The following AP5Z1 variants were observed in gnomAD, a reference collection of about 807,000 sequenced individuals.
The protein encoded by AP5Z1 is adaptor related protein complex 5 subunit zeta 1, also known as AP-5 complex subunit zeta-1.
In AP5Z1, 106 loss-of-function variants were observed where a neutral mutation model predicts 83.0. The ratio of observed to expected loss-of-function variants is 1.28; its 90% confidence interval spans 1.09 to 1.50. The LOEUF is 1.50. Among genes scored for constraint, AP5Z1 ranks in the 40% most tolerant of loss-of-function variants. The probability of loss-of-function intolerance (pLI) is 0.00; values close to 1 mark genes in which losing one functional copy is unlikely to be tolerated. For missense variants in AP5Z1, 1,565 were observed against 1,094.2 expected (o/e 1.43, Z -6.07); for synonymous variants, 751 against 514.1 (o/e 1.46, Z -6.23).
At chr7:4,779,162 TATAACATATATAAC>T (rs1005743584) in intron 1 of AP5Z1, among the ~76,000 whole-genome samples, 11 of 143,214 alleles carry the variant, frequency 7.7e-5, no homozygotes, top group South Asian at 4.3e-4. Flanking sequence ...ATAACAACTA[TATAACATATATAAC>T]ATAACATATA....
chr7:4,780,344 G>C (rs767101927), intron 1 of AP5Z1, among the ~76,000 whole-genome samples: 21 of 152,224 alleles, frequency 1.4e-4, no homozygotes, highest in Non-Finnish European at 2.4e-4. Context: ...CTCAGGCCAG[G>C]CGTGGTGGCT....
Position 4,788,286 on chromosome 7 carries a change from C to G in AP5Z1, c.1587C>G (p.Ala529=). The part of the protein sequence containing the change: ...QYLLRPKASG[A]TERLAPLHQL... ...TGCTGCGCCCCAAGGCCAGTGGCGC[C>G]ACTGAGAGGTACGGGGCCCTAGGGC... The change falls in exon 12 of 17, where the codon GCC becomes GCG. Residue 529 remains alanine, a synonymous_variant. Coordinates refer to ENST00000649063, the MANE Select transcript of AP5Z1 (RefSeq NM_014855.3). 6.3e-7 allele frequency: 1 copy of G among 1,590,948 alleles called. No individual in the cohort carries two copies.
chr7:4,788,594 G>A (rs1214774464), intron 12 of AP5Z1: 3 of 498,724 alleles, frequency 6.0e-6, no homozygotes, highest in Non-Finnish European at 1.0e-5. Context: ...GAAGCAGGAG[G>A]CCTGGGACCG....
intron 7 of AP5Z1, 94 bp from the exon 8 acceptor site, chr7:4,785,321 G>T (rs942666424): frequency 1.3e-6 from 2 of 1,502,870 alleles, no homozygotes; most frequent in Non-Finnish European, 8.9e-7. Context: ...CCCTGCTCCC[G>T]GTCCTGCCTG....
chr7:4,775,883 A>T (rs1781211128), intron 1 of AP5Z1, 127 bp downstream of exon 1: 2 of 1,363,788 alleles, frequency 1.5e-6, no homozygotes, highest in African/African-American at 2.9e-5. Context: ...CGCCCTCGAG[A>T]CTTGGGGATC....
rs374156931 is a variant in AP5Z1, at chr7:4,791,094, G to T, written c.2154-21G>T. ...TGGGAGGGGAGCATCTGCAGCTGAC[G>T]GAGGGACCTTCTTTCCCCAGGGCCT... On this transcript the variant is annotated intron_variant, in intron 16 of 16. Transcript: ENST00000649063. 7 of 1,555,978 alleles carry T rather than the reference G, an allele frequency of 4.5e-6. No individual in the cohort carries two copies. In the Admixed American group the frequency reaches 1.1e-4, roughly 24 times the overall value.
chr7:4,785,620 G>A lies in AP5Z1; in HGVS notation c.1068G>A (p.Arg356=). The part of the protein sequence containing the change: ...SLSCLKALHG[R]VRGDPASVRV... The stretch of plus-strand genomic sequence containing the variant: ...CCTGCCTGAAGGCCCTGCACGGGCG[G>A]GTGCGCGGGGACCCGGCCTCTGTGC... The change falls in exon 9 of 17, where the codon CGG becomes CGA. Residue 356 remains arginine (R), a synonymous_variant. Transcript: ENST00000649063. 1 of 1,579,108 alleles carries A rather than the reference G, an allele frequency of 6.3e-7. No homozygotes were observed. The highest frequency in any genetic ancestry group is 1.8e-5 in the Admixed American group (1 of 55,748).
At position 4,790,892 on chromosome 7, in the gene AP5Z1, C is replaced by T; in HGVS notation, c.2153+5C>T. 6.3e-7 allele frequency: 1 copy of T among 1,596,454 alleles called. No homozygotes were observed. Among genetic ancestry groups the T allele is most frequent in the South Asian group, 1.1e-5 (1 of 87,962 alleles). ...GAGCCAAGATCTGATCCCCAGGTGC[C>T]TGGTCAGGGAGGGAGCGAAGCCTTC... On this transcript the variant is annotated splice_donor_5th_base_variant and intron_variant, in intron 16 of 16. Transcript: ENST00000649063.
At chr7:4,786,563 G>A in intron 10 of AP5Z1, 135 bp downstream of exon 10, 3 of 1,018,426 alleles carry the variant, frequency 2.9e-6, no homozygotes, top group Non-Finnish European at 2.9e-6. Flanking sequence ...GGAATGCGGT[G>A]TGCAGGGTGA....
chr7:4,783,187 C>T, intron 3 of AP5Z1, 129 bp from the exon 4 acceptor site: 1 of 1,387,260 alleles, frequency 7.2e-7, no homozygotes, highest in Non-Finnish European at 9.6e-7. Context: ...GGGACATCCT[C>T]CCTGCCACCT....
At chr7:4,789,810 G>A in intron 13 of AP5Z1, 22 bp from the exon 14 acceptor site, 1 of 1,547,318 alleles carries the variant, frequency 6.5e-7, no homozygotes, top group Non-Finnish European at 8.7e-7. Flanking sequence ...GGCTGAGCCT[G>A]TTTCCCACTC....
chr7:4,776,409 C>A (rs1028930189), intron 1 of AP5Z1, among the ~76,000 whole-genome samples: 4 of 151,998 alleles, frequency 2.6e-5, no homozygotes, highest in Non-Finnish European at 5.9e-5. Flanking sequence ...AGACTTCATA[C>A]TACATGTTTA....
At position 4,781,229 on chromosome 7, in the gene AP5Z1, G is replaced by T. The variant is rs775783812; in HGVS notation, c.96G>T (p.Leu32=). 6.2e-7 allele frequency: 1 copy of T among 1,613,742 alleles called. No individual in the cohort carries two copies. The highest frequency in any genetic ancestry group is 8.5e-7 in the Non-Finnish European group (1 of 1,179,640). Residue 32 remains leucine (L), a synonymous_variant, in exon 2 of 17, where the codon CTG becomes CTT. Transcript: ENST00000649063. ...KKFCSRICKL[L]QAEDLGPDTL... is the part of the protein sequence containing the mutation. ...TCTGTTCCCGGATCTGTAAACTGCT[G>T]CAGGCGGAGGACTTGGGGCCGGACA...
intron 14 of AP5Z1, chr7:4,790,145 C>G: frequency 1.3e-6 from 2 of 1,484,562 alleles, no homozygotes; most frequent in Non-Finnish European, 1.8e-6. Context: ...TTCTGCCGAG[C>G]CTGTCCTCTT....
chr7:4,777,532 C>T (rs760389849), intron 1 of AP5Z1, among the ~76,000 whole-genome samples: 50 of 152,066 alleles, frequency 3.3e-4, no homozygotes, highest in Non-Finnish European at 5.7e-4. Flanking sequence ...GGATTACAGG[C>T]GCCCGCCACC....
Position 4,792,779 on chromosome 7 carries a change from A to C in AP5Z1, c.*1394A>C, listed in dbSNP as rs1434994339. ...GTGGAAACAGCAGCGCACGTGTACA[A>C]CTGTGCATACCAAGGCGTGCGTGCC... is the stretch of plus-strand genomic sequence containing the variant. On this transcript the variant is annotated 3_prime_UTR_variant, in exon 17 of 17. Coordinates refer to ENST00000649063, the MANE Select transcript of AP5Z1 (RefSeq NM_014855.3). 6.6e-5 allele frequency: 10 copies of C among 152,206 alleles called. No homozygotes were observed. The allele number at this position is 152,206 out of a possible 1,614,324, so 9.4% of individuals were successfully genotyped here.
chr7:4,779,246 CATT>C (rs966031781), intron 1 of AP5Z1, among the ~76,000 whole-genome samples: 19 of 145,800 alleles, frequency 1.3e-4, no homozygotes, highest in African/African-American at 3.3e-4. Context: ...ACATATATAA[CATT>C]AGAAATAATG....
intron 10 of AP5Z1, 157 bp from the exon 11 acceptor site, chr7:4,787,477 C>G (rs529804449): frequency 3.5e-6 from 4 of 1,138,404 alleles, no homozygotes; most frequent in Non-Finnish European, 4.8e-6. Context: ...CAGAGCAAGA[C>G]CCTGTCTCAA....
rs539452570 is a variant in AP5Z1 at position 4,790,220 on chromosome 7, T to C, written c.1806-239T>C. 4.5e-6 allele frequency: 7 copies of C among 1,548,724 alleles called. No homozygotes were observed. The East Asian group carries it at 9.6e-5, about 21-fold the overall frequency. ...GGGGTCCTTCTCTCCAAAGGCCTGA[T>C]GCATGCAGGCCCATCCTGGTTCCAC... On this transcript the variant is annotated intron_variant, in intron 14 of 16. Transcript: ENST00000649063.
Sources: allele counts gnomAD v4.1 joint callset (sites outside exome capture counted in the v4.1 genomes callset), GRCh38; gene constraint gnomAD v4.1.1; transcripts MANE v1.5; gene names NCBI Gene and HGNC (gene_info 2026-07-23, HGNC 2026-07-21).